Variants in SNX25 observed in about 807,000 individuals in gnomAD.
The protein encoded by SNX25 is sorting nexin 25.
Under a neutral mutation model 113.7 loss-of-function variants are expected in SNX25, and 62 were observed. The observed-to-expected ratio is 0.55, with a 90% CI of 0.44 to 0.67. The LOEUF is 0.67. Ranked by LOEUF, SNX25 falls within the 30% of genes least tolerant of loss-of-function variation. SNX25 has a pLI of 0.00. For missense variants in SNX25, 1,014 were observed against 1,161.0 expected (o/e 0.87, Z 1.84); for synonymous variants, 421 against 436.2 (o/e 0.97, Z 0.43).
intron 2 of SNX25, among the ~76,000 whole-genome samples, chr4:185,255,930 G>A (rs1746345283): frequency 6.6e-6 from 1 of 152,132 alleles, no homozygotes; most frequent in Non-Finnish European, 1.5e-5. Flanking sequence ...AACCATTTCC[G>A]CTGTTTTTCC....
chr4:185,231,941 C>G (rs1741938951), intron 1 of SNX25, among the ~76,000 whole-genome samples: 1 of 152,132 alleles, frequency 6.6e-6, no homozygotes, highest in African/African-American at 2.4e-5. Context: ...CATTCCATAT[C>G]TTAATATGAC....
chr4:185,338,219 A>G (rs1349119648), intron 10 of SNX25, among the ~76,000 whole-genome samples: 1 of 150,690 alleles, frequency 6.6e-6, no homozygotes, highest in Non-Finnish European at 1.5e-5. Context: ...TTTTTGTGTC[A>G]TAACCAAGAA....
rs2095262730 is a variant in SNX25, at chr4:185,342,073, GA to G, written c.2146del (p.Arg716GlyfsTer19). Reference sequence around the variant, plus strand: ...GAAACTAAGAACTGGACGGTCCCCAGAAGGCTCAGCGAGTTTCAGAATTTAC... The same window carrying G: ...GAAACTAAGAACTGGACGGTCCCCAGAGGCTCAGCGAGTTTCAGAATTTAC... Reference protein sequence around the residue: ...GVETKNWTVPRRLSEFQNLHR... With the variant: ...GVETKNWTVPXRLSEFQNLHR... On this transcript the variant is annotated frameshift_variant, in exon 12 of 19. Coordinates refer to ENST00000652585, the MANE Select transcript of SNX25 (RefSeq NM_001378034.2). LOFTEE classifies it high-confidence loss of function. 1 of 1,608,368 alleles carries G rather than the reference GA, an allele frequency of 6.2e-7. No individual in the cohort carries two copies. Among genetic ancestry groups the G allele is most frequent in the East Asian group, 2.2e-5 (1 of 44,462 alleles).
chr4:185,304,842 G>A (rs1258752714), intron 6 of SNX25, among the ~76,000 whole-genome samples: 1 of 152,198 alleles, frequency 6.6e-6, no homozygotes, highest in Non-Finnish European at 1.5e-5. Context: ...TAGTCTGTCA[G>A]TGCACATACA....
In SNX25 at chr4:185,327,415, A is replaced by T. The variant is rs556846629; in HGVS notation, c.1749+3615A>T. On this transcript the variant is annotated intron_variant, in intron 9 of 18. Transcript: ENST00000652585. ...TGTTGTATGAATTCCCTTTTATAAA[A>T]TTTTTCATGACTTACACAGACAATC... is the stretch of plus-strand genomic sequence containing the variant. 2.8e-3 allele frequency among the ~76,000 whole-genome samples: 428 copies of T among 152,204 alleles called. 1 individual carries two copies. The highest frequency in any genetic ancestry group is 9.3e-3 in the African/African-American group (387 of 41,510).
downstream of SNX25, chr4:185,367,053 A>AT (rs2095390359): frequency 1.2e-6 from 1 of 821,700 alleles, no homozygotes; most frequent in Admixed American, 2.4e-5. Flanking sequence ...ACGAAGTAAC[A>AT]TGTCACCTGT....
At chr4:185,356,639 A>C (rs1245018934) in intron 15 of SNX25, among the ~76,000 whole-genome samples, 1 of 152,210 alleles carries the variant, frequency 6.6e-6, no homozygotes, top group Non-Finnish European at 1.5e-5. Flanking sequence ...GTCTAGTGCC[A>C]AGTCTGTGTT....
intron 14 of SNX25, among the ~76,000 whole-genome samples, chr4:185,351,906 C>CGGGGTGTG (rs2095316945): frequency 7.0e-6 from 1 of 141,912 alleles, no homozygotes; most frequent in Non-Finnish European, 1.5e-5. Flanking sequence ...GCCGTCATTG[C>CGGGGTGTG]GGGGTGGGGG....
chr4:185,249,468 T>C (rs946659862), intron 2 of SNX25, among the ~76,000 whole-genome samples: 1 of 152,156 alleles, frequency 6.6e-6, no homozygotes, highest in Non-Finnish European at 1.5e-5. Flanking sequence ...TTTAAACTTA[T>C]AATTTATTTA....
In SNX25 at chr4:185,225,419, C is replaced by T. The variant is rs117515836; in HGVS notation, c.429+15164C>T. ...GATTACAGGCGTGAGCCACCGCACC[C>T]GGCCAGTATATTCTCTCTTCTTAAA... On this transcript the variant is annotated intron_variant, in intron 1 of 18. Coordinates refer to ENST00000652585, the MANE Select transcript of SNX25 (RefSeq NM_001378034.2). Among the ~76,000 whole-genome samples the T allele has an allele frequency of 3.4e-4, 52 of 152,294 alleles. 3 individuals carry two copies. In the East Asian group the frequency reaches 9.1e-3, roughly 27 times the overall value.
intron 1 of SNX25, among the ~76,000 whole-genome samples, chr4:185,237,678 G>A (rs1347620498): frequency 6.6e-6 from 1 of 151,962 alleles, no homozygotes; most frequent in Non-Finnish European, 1.5e-5. Context: ...CCAAACAGTG[G>A]CAGCCTGCAG....
intron 9 of SNX25, among the ~76,000 whole-genome samples, chr4:185,331,240 A>G (rs1043670001): frequency 1.3e-5 from 2 of 152,208 alleles, no homozygotes; most frequent in Non-Finnish European, 2.9e-5. Flanking sequence ...TACATATGGG[A>G]TAGCAATGAA....
At chr4:185,218,187 T>C (rs3112893) in intron 1 of SNX25, among the ~76,000 whole-genome samples, 98,899 of 151,830 alleles carry the variant, frequency 0.65, 32,285 homozygotes, top group East Asian at 0.73. Context: ...CGGGTTCAAG[T>C]GATTCTCCTG....
upstream of SNX25, among the ~76,000 whole-genome samples, chr4:185,208,004 T>A (rs1443101229): frequency 6.6e-6 from 1 of 152,238 alleles, no homozygotes; most frequent in Non-Finnish European, 1.5e-5. Flanking sequence ...TTTATTTGAA[T>A]AATTTGGGTT....
At chr4:185,351,418 G>C in intron 13 of SNX25, 27 bp from the exon 14 acceptor site, 1 of 1,607,300 alleles carries the variant, frequency 6.2e-7, no homozygotes, top group South Asian at 1.1e-5. Context: ...TCCCACACTG[G>C]AGCAGTTAAT....
intron 1 of SNX25, among the ~76,000 whole-genome samples, chr4:185,231,739 C>T (rs1177966880): frequency 6.7e-6 from 1 of 149,856 alleles, no homozygotes; most frequent in East Asian, 2.0e-4. Flanking sequence ...AGGATTTATT[C>T]TTTGAATGTC....
In SNX25 at chr4:185,210,916, A is replaced by AG. The variant is rs1458137949; in HGVS notation, c.429+663dup. On this transcript the variant is annotated intron_variant, in intron 1 of 18. Coordinates refer to ENST00000652585, the MANE Select transcript of SNX25 (RefSeq NM_001378034.2). The surrounding 1 kb of genome is among the most constrained non-coding windows in gnomAD (Gnocchi z 4.4). ...CACTAGGGCGGGGGTTAGGGAATGT[A>AG]GGAAAGAACAGTGTTTTAAATGAGC... Among the ~76,000 whole-genome samples the AG allele has an allele frequency of 6.6e-6, 1 of 152,170 alleles. No homozygotes were observed. The highest frequency in any genetic ancestry group is 1.9e-4 in the East Asian group (1 of 5,190).
At chr4:185,213,679 C>T (rs1422876533) in intron 1 of SNX25, among the ~76,000 whole-genome samples, 2 of 152,154 alleles carry the variant, frequency 1.3e-5, no homozygotes, top group Non-Finnish European at 2.9e-5. Context: ...TTACTAGCCA[C>T]AGTTACTTGA....
chr4:185,376,968 T>C, the SNX25 span: 1 of 1,613,984 alleles, frequency 6.2e-7, no homozygotes, highest in Non-Finnish European at 8.5e-7. Flanking sequence ...TTCAGTATTC[T>C]TTCCTTCAAG....
Sources: allele counts gnomAD v4.1 joint callset (sites outside exome capture counted in the v4.1 genomes callset), GRCh38; gene constraint gnomAD v4.1.1; non-coding constraint Gnocchi (gnomAD v3.1); transcripts MANE v1.5; gene names NCBI Gene and HGNC (gene_info 2026-07-23, HGNC 2026-07-21).